Variants in GALNT2 observed in about 807,000 individuals in gnomAD.
GALNT2 encodes the protein UDP-GalNAc:polypeptide N-acetylgalactosaminyltransferase 2.
In GALNT2, 31 loss-of-function variants were observed where a neutral mutation model predicts 81.4. The observed-to-expected ratio is 0.38, with a 90% confidence interval of 0.29 to 0.51. The LOEUF is 0.51. Ranked by LOEUF, GALNT2 falls within the 20% of genes least tolerant of loss-of-function variation. The probability of loss-of-function intolerance (pLI) is 0.87; values close to 1 mark genes in which losing one functional copy is unlikely to be tolerated. For missense variants in GALNT2, 629 were observed against 765.7 expected, an observed-to-expected ratio of 0.82 and a Z score of 2.11; for synonymous variants, 303 against 287.4, an observed-to-expected ratio of 1.05 and a Z score of -0.55.
intron 6 of GALNT2, among the ~76,000 whole-genome samples, chr1:230,240,994 A>C (rs1170617491): frequency 2.6e-5 from 4 of 152,210 alleles, no homozygotes; most frequent in Non-Finnish European, 5.9e-5. Flanking sequence ...TACTAAGACC[A>C]GTCAGTGGAT....
chr1:230,173,497 C>T (rs116372685), intron 1 of GALNT2, among the ~76,000 whole-genome samples: 1 of 152,214 alleles, frequency 6.6e-6, no homozygotes, highest in South Asian at 2.1e-4. Context: ...GGAAACAAAG[C>T]AGAGATGGGT....
intron 1 of GALNT2, among the ~76,000 whole-genome samples, chr1:230,142,567 C>T (rs1457789472): frequency 6.6e-6 from 1 of 152,146 alleles, no homozygotes; most frequent in Non-Finnish European, 1.5e-5. Flanking sequence ...TGAGGGTGAC[C>T]TGGGTTAATA....
intron 1 of GALNT2, among the ~76,000 whole-genome samples, chr1:230,071,569 T>C (rs943863974): frequency 3.9e-5 from 6 of 152,142 alleles, no homozygotes; most frequent in Non-Finnish European, 7.4e-5. Context: ...CCTGGAAGCA[T>C]GCATGACTTG....
chr1:230,265,930 G>A (rs545083309), intron 14 of GALNT2, among the ~76,000 whole-genome samples: 8 of 152,224 alleles, frequency 5.3e-5, no homozygotes, highest in Non-Finnish European at 1.0e-4. Context: ...CGTGGCGCAC[G>A]CCTGTAATCC....
chr1:230,132,388 T>TC (rs1235509711), intron 1 of GALNT2, among the ~76,000 whole-genome samples: 1 of 152,202 alleles, frequency 6.6e-6, no homozygotes, highest in African/African-American at 2.4e-5. Flanking sequence ...TGGCCATCTC[T>TC]CCAGCTGATA....
chr1:230,178,051 TA>T, intron 1 of GALNT2, among the ~76,000 whole-genome samples, 166 bp from the exon 2 acceptor site: 1 of 152,330 alleles, frequency 6.6e-6, no homozygotes, highest in African/African-American at 2.4e-5. Flanking sequence ...CTTGACTCCC[TA>T]ACAATTTCTG....
chr1:230,064,723 G>A (rs775315905), upstream of GALNT2, among the ~76,000 whole-genome samples: 2 of 152,090 alleles, frequency 1.3e-5, no homozygotes, highest in South Asian at 2.1e-4. Flanking sequence ...CTTTGGCCAG[G>A]CTGGTCTTGA....
At chr1:230,213,200 C>T (rs985460086) in intron 3 of GALNT2, among the ~76,000 whole-genome samples, 2 of 152,194 alleles carry the variant, frequency 1.3e-5, no homozygotes, top group Admixed American at 6.5e-5. Flanking sequence ...CCATGAGGAT[C>T]GTCTTTGTTG....
At chr1:230,105,497 G>A (rs1660517601) in intron 1 of GALNT2, among the ~76,000 whole-genome samples, 1 of 152,146 alleles carries the variant, frequency 6.6e-6, no homozygotes. Flanking sequence ...CTTCCTGAGT[G>A]GCACACAAAA....
At chr1:230,246,539 C>T (rs1665375643) in intron 8 of GALNT2, among the ~76,000 whole-genome samples, 1 of 152,182 alleles carries the variant, frequency 6.6e-6, no homozygotes, top group African/African-American at 2.4e-5. Context: ...TTTGCCTTCT[C>T]TGCTCACCCT....
At chr1:230,250,379 C>A in intron 9 of GALNT2, 78 bp from the exon 10 acceptor site, 2 of 1,037,600 alleles carry the variant, frequency 1.9e-6, no homozygotes, top group Non-Finnish European at 3.0e-6. Flanking sequence ...CAAGGCTTGG[C>A]CTTGGCGCAA....
intron 3 of GALNT2, among the ~76,000 whole-genome samples, chr1:230,230,797 C>G (rs1664843995): frequency 6.6e-6 from 1 of 152,158 alleles, no homozygotes; most frequent in Non-Finnish European, 1.5e-5. Flanking sequence ...CTTACAAAAT[C>G]CGAATTACAA....
chr1:230,207,762 G>A (rs1385168589), intron 3 of GALNT2, among the ~76,000 whole-genome samples: 1 of 152,028 alleles, frequency 6.6e-6, no homozygotes, highest in African/African-American at 2.4e-5. Flanking sequence ...CTAAGTTTTT[G>A]TAGAGATGGG....
intron 8 of GALNT2, among the ~76,000 whole-genome samples, chr1:230,247,126 C>T (rs1318041682): frequency 6.6e-6 from 1 of 151,694 alleles, no homozygotes; most frequent in South Asian, 2.1e-4. Context: ...GCCAGCTACT[C>T]GGGGCTAAGG....
chr1:230,099,932 C>A (rs1660354283), intron 1 of GALNT2, among the ~76,000 whole-genome samples: 1 of 152,198 alleles, frequency 6.6e-6, no homozygotes, highest in Non-Finnish European at 1.5e-5. Flanking sequence ...TTATCTGGGG[C>A]TTGGTGTTGC....
chr1:230,176,018 C>G (rs1020278593), intron 1 of GALNT2, among the ~76,000 whole-genome samples: 2 of 152,092 alleles, frequency 1.3e-5, no homozygotes, highest in African/African-American at 2.4e-5. Flanking sequence ...AGGGTCAATG[C>G]ACAATGCTTG....
chr1:230,195,470 C>T (rs1043952410), intron 2 of GALNT2, among the ~76,000 whole-genome samples: 1 of 152,122 alleles, frequency 6.6e-6, no homozygotes, highest in Non-Finnish European at 1.5e-5. Flanking sequence ...TGCAGAGAGG[C>T]AGCAGCTAGG....
intron 5 of GALNT2, 92 bp from the exon 6 acceptor site, chr1:230,236,568 T>C: frequency 6.9e-7 from 1 of 1,441,854 alleles, no homozygotes. Flanking sequence ...AAGGAGATAA[T>C]CGGCCCTTAG....
intron 3 of GALNT2, among the ~76,000 whole-genome samples, chr1:230,228,705 G>A (rs73114065): frequency 0.29 from 43,726 of 151,680 alleles, 6,369 homozygotes; most frequent in African/African-American, 0.35. Context: ...CTGCAGTAAC[G>A]CTTCATGGCT....
Sources: allele counts gnomAD v4.1 joint callset (sites outside exome capture counted in the v4.1 genomes callset), GRCh38; gene constraint gnomAD v4.1.1; transcripts MANE v1.5; gene names NCBI Gene and HGNC (gene_info 2026-07-23, HGNC 2026-07-21).